Variants in KCTD8 observed in about 807,000 individuals in gnomAD.
KCTD8 encodes potassium channel tetramerization domain containing 8.
In KCTD8, 27 loss-of-function variants were observed where a neutral mutation model predicts 31.5. The observed-to-expected ratio is 0.86, with a 90% CI of 0.63 to 1.18. The LOEUF (loss-of-function observed/expected upper bound fraction) is 1.18, where lower values mean the gene tolerates loss of function less well. Among genes scored for constraint, KCTD8 ranks in the 50% most tolerant of loss-of-function variants. The pLI is 0.00. For synonymous variants in KCTD8, 290 were observed against 280.0 expected, an observed-to-expected ratio of 1.04 and a Z score of -0.36; for missense variants, 658 against 647.7, an observed-to-expected ratio of 1.02 and a Z score of -0.17.
At chr4:44,248,679 G>A (rs1373331382) in intron 1 of KCTD8, among the ~76,000 whole-genome samples, 2 of 151,758 alleles carry the variant, frequency 1.3e-5, no homozygotes, top group African/African-American at 4.8e-5. Flanking sequence ...CCAGTGAAAT[G>A]GAAGCAAATG....
intron 1 of KCTD8, chr4:44,293,457 C>T (rs1475323388): frequency 2.2e-6 from 1 of 455,444 alleles, no homozygotes; most frequent in Non-Finnish European, 4.4e-6. Flanking sequence ...CTTGATCTGG[C>T]AAGCAATCAT....
intron 1 of KCTD8, among the ~76,000 whole-genome samples, chr4:44,211,648 G>A (rs930773698): frequency 7.9e-5 from 12 of 151,928 alleles, no homozygotes; most frequent in Admixed American, 7.2e-4. Flanking sequence ...ATGCTTCCTG[G>A]TCGACATATA....
chr4:44,339,463 G>A (rs1030962976), intron 1 of KCTD8, among the ~76,000 whole-genome samples: 1 of 151,982 alleles, frequency 6.6e-6, no homozygotes, highest in Non-Finnish European at 1.5e-5. Context: ...AAACAGGGTC[G>A]ATTCAAATGA....
Position 44,447,907 on chromosome 4 carries a change from G to C in KCTD8, c.617C>G (p.Ser206Trp), listed in dbSNP as rs1289335977. ...GGGGGAQDKR[S>W]GFLTLGYRGS... ...CCGGTAGCCCAGCGTGAGGAAGCCC[G>C]AGCGCTTGTCCTGCGCGCCGCCGCC... Residue 206 changes from serine to tryptophan, a missense_variant, in exon 1 of 2, where the codon TCG becomes TGG. Transcript: ENST00000360029. The C allele has an allele frequency of 1.3e-6, 2 of 1,507,936 alleles. No individual in the cohort carries two copies. Among genetic ancestry groups the C allele is most frequent in the Admixed American group, 2.1e-5 (1 of 47,338 alleles). 93.4% of individuals were successfully genotyped at this position (1,507,936 alleles called of 1,614,324 possible). A position where few individuals can be genotyped will look rare whatever the true frequency, so the allele number is the denominator to read the frequency against.
At chr4:44,204,759 A>T (rs2109340854) in intron 1 of KCTD8, among the ~76,000 whole-genome samples, 1 of 152,210 alleles carries the variant, frequency 6.6e-6, no homozygotes, top group East Asian at 1.9e-4. Flanking sequence ...TCAATATTAT[A>T]CTAAAAGATA....
At chr4:44,245,256 T>G (rs1417740580) in intron 1 of KCTD8, among the ~76,000 whole-genome samples, 4 of 152,106 alleles carry the variant, frequency 2.6e-5, no homozygotes, top group African/African-American at 7.2e-5. Context: ...GGAATGAATC[T>G]AATAGTCCTC....
At chr4:44,396,099 G>A (rs34699444) in intron 1 of KCTD8, among the ~76,000 whole-genome samples, 37,778 of 151,856 alleles carry the variant, frequency 0.25, 5,018 homozygotes, top group South Asian at 0.3. Flanking sequence ...GGTCCCATCT[G>A]GGGGTGATGA....
chr4:44,393,280 A>G (rs994208792), intron 1 of KCTD8, among the ~76,000 whole-genome samples: 1 of 152,002 alleles, frequency 6.6e-6, no homozygotes. Flanking sequence ...ACAAAAAACC[A>G]AAGCTTATTC....
At chr4:44,282,389 A>T (rs1469827801) in intron 1 of KCTD8, among the ~76,000 whole-genome samples, 1 of 152,062 alleles carries the variant, frequency 6.6e-6, no homozygotes, top group African/African-American at 2.4e-5. Flanking sequence ...TAATTGCTAG[A>T]TATTATGTGT....
chr4:44,354,042 T>C, intron 1 of KCTD8, among the ~76,000 whole-genome samples: 1 of 152,154 alleles, frequency 6.6e-6, no homozygotes, highest in East Asian at 1.9e-4. Context: ...TTTTCTAACA[T>C]CCTTCCATAA....
rs750680615 is a variant in KCTD8, at chr4:44,175,091, G to C, written c.1121C>G (p.Ser374Cys). 3.1e-6 allele frequency: 5 copies of C among 1,614,066 alleles called. No individual in the cohort carries two copies. In the South Asian group the frequency reaches 4.4e-5, roughly 14 times the overall value. ...GTGAGCTGTTGCCTGCTGGGCACTG[G>C]ATGGGTTGTCCTGGGGAGTGCTTGC... ...SEASTPQDNP[S>C]SAQQATAHQP... The change falls in exon 2 of 2, where the codon TCC (serine) becomes TGC (cysteine). Residue 374 changes from serine to cysteine, a missense_variant. Coordinates refer to ENST00000360029, the MANE Select transcript of KCTD8 (RefSeq NM_198353.3).
chr4:44,202,068 G>A (rs1173928826), intron 1 of KCTD8, among the ~76,000 whole-genome samples: 1 of 151,988 alleles, frequency 6.6e-6, no homozygotes, highest in Non-Finnish European at 1.5e-5. Context: ...TCAAAGACAA[G>A]TCAATCAAAA....
chr4:44,352,458 G>T (rs4443319), intron 1 of KCTD8, among the ~76,000 whole-genome samples: 1 of 148,498 alleles, frequency 6.7e-6, no homozygotes, highest in Non-Finnish European at 1.5e-5. Flanking sequence ...AATGGAAATA[G>T]TAAAAAGAGA....
intron 1 of KCTD8, among the ~76,000 whole-genome samples, chr4:44,382,644 C>T (rs574260935): frequency 6.6e-6 from 1 of 151,412 alleles, no homozygotes; most frequent in Non-Finnish European, 1.5e-5. Context: ...GCAGAAGAAT[C>T]GTTTGAACTC....
At position 44,291,963 on chromosome 4, in the gene KCTD8, A is replaced by G. The variant is rs1222788955; in HGVS notation, c.962-116713T>C. 2.5e-4 allele frequency among the ~76,000 whole-genome samples: 10 copies of G among 40,140 alleles called. No homozygotes were observed. In the East Asian group the frequency reaches 3.6e-3, roughly 15 times the overall value. The allele number at this position is 40,140 out of a possible 152,430, so 26.3% of individuals were successfully genotyped here. On this transcript the variant is annotated intron_variant, in intron 1 of 1. Transcript: ENST00000360029. Reference sequence around the variant, plus strand: ...CACCAGTCAGATTGGCTATTATGAAAAAAAAAAAAAAAAAAAAAAACAGGT... The same window carrying G: ...CACCAGTCAGATTGGCTATTATGAAGAAAAAAAAAAAAAAAAAAAACAGGT...
intron 1 of KCTD8, among the ~76,000 whole-genome samples, chr4:44,379,438 T>C (rs1045637970): frequency 2.0e-5 from 3 of 152,124 alleles, no homozygotes; most frequent in Non-Finnish European, 2.9e-5. Context: ...GGTTTTTGCA[T>C]ACAGAAGATT....
At chr4:44,377,812 G>A (rs1021043270) in intron 1 of KCTD8, among the ~76,000 whole-genome samples, 4 of 152,164 alleles carry the variant, frequency 2.6e-5, no homozygotes, top group Non-Finnish European at 5.9e-5. Flanking sequence ...TCAAGGATCT[G>A]TAAGCTTGCT....
intron 1 of KCTD8, among the ~76,000 whole-genome samples, chr4:44,416,581 A>C (rs1030288118): frequency 6.6e-6 from 1 of 152,084 alleles, no homozygotes; most frequent in Non-Finnish European, 1.5e-5. Context: ...TTCCTTGGTG[A>C]TGAGTTCTCA....
chr4:44,300,592 T>C (rs1243081124), intron 1 of KCTD8, among the ~76,000 whole-genome samples: 1 of 152,186 alleles, frequency 6.6e-6, no homozygotes, highest in East Asian at 1.9e-4. Context: ...ATAATCAGCT[T>C]TGCAATCTGA....
Sources: allele counts gnomAD v4.1 joint callset (sites outside exome capture counted in the v4.1 genomes callset), GRCh38; gene constraint gnomAD v4.1.1; transcripts MANE v1.5; gene names NCBI Gene and HGNC (gene_info 2026-07-23, HGNC 2026-07-21).